SNX29: variants seen among roughly 807,000 people sequenced by gnomAD.
SNX29 encodes the protein sorting nexin 29, also known as sorting nexin-29.
Under a neutral mutation model 102.1 loss-of-function variants are expected in SNX29, and 78 were observed. The ratio of observed to expected loss-of-function variants is 0.76; its 90% CI spans 0.64 to 0.92. The LOEUF (loss-of-function observed/expected upper bound fraction) is 0.92, where lower values mean the gene tolerates loss of function less well. Ranked by LOEUF, SNX29 falls within the 40% of genes least tolerant of loss-of-function variation. The pLI is 0.00. For synonymous variants in SNX29, 580 were observed against 414.5 expected (o/e 1.40, Z -4.85); for missense variants, 1,280 against 1,061.7 (o/e 1.21, Z -2.86).
At chr16:12,060,498 A>AGGC (rs1567170263) in intron 8 of SNX29, among the ~76,000 whole-genome samples, 9 of 152,182 alleles carry the variant, frequency 5.9e-5, no homozygotes, top group Non-Finnish European at 1.2e-4. Context: ...ACTCCTCGGG[A>AGGC]TGCTGAGGCA....
chr16:12,468,884 C>T (rs1004155564), intron 18 of SNX29, among the ~76,000 whole-genome samples: 17 of 152,138 alleles, frequency 1.1e-4, no homozygotes, highest in Admixed American at 2.0e-4. Context: ...GCAGTGTCAG[C>T]GGGGTGGGAA....
At chr16:12,259,251 T>A (rs764904872) in intron 14 of SNX29, among the ~76,000 whole-genome samples, 13 of 152,248 alleles carry the variant, frequency 8.5e-5, no homozygotes, top group Non-Finnish European at 1.6e-4. Context: ...AAAAATGCAC[T>A]CCGCTTCCAG....
intron 14 of SNX29, among the ~76,000 whole-genome samples, chr16:12,200,170 A>AT (rs966549831): frequency 6.6e-6 from 1 of 152,158 alleles, no homozygotes; most frequent in African/African-American, 2.4e-5. Flanking sequence ...TCATGAGGCA[A>AT]TCCATGTAGA....
chr16:12,112,819 C>G (rs549599498), intron 11 of SNX29, among the ~76,000 whole-genome samples: 1 of 152,332 alleles, frequency 6.6e-6, no homozygotes, highest in East Asian at 1.9e-4. Flanking sequence ...GGTACCTGCA[C>G]TGGGTACAGC....
chr16:12,559,724 G>C (rs1432368950), intron 20 of SNX29, among the ~76,000 whole-genome samples: 2 of 152,068 alleles, frequency 1.3e-5, no homozygotes, highest in Admixed American at 1.3e-4. Flanking sequence ...AGAACACCAA[G>C]AAATAGATGA....
At chr16:12,191,925 A>C (rs1342472662) in intron 13 of SNX29, among the ~76,000 whole-genome samples, 1 of 152,198 alleles carries the variant, frequency 6.6e-6, no homozygotes, top group African/African-American at 2.4e-5. Context: ...ATGCCTACTC[A>C]GTACCTGCTG....
At chr16:12,261,333 G>T (rs1379196525) in intron 14 of SNX29, among the ~76,000 whole-genome samples, 2 of 138,026 alleles carry the variant, frequency 1.4e-5, no homozygotes, top group Non-Finnish European at 3.1e-5. Flanking sequence ...TCTGAGCTCC[G>T]GTCTGTGCGT....
At chr16:12,392,903 A>C (rs1006454333) in intron 16 of SNX29, among the ~76,000 whole-genome samples, 3 of 152,238 alleles carry the variant, frequency 2.0e-5, no homozygotes, top group African/African-American at 7.2e-5. Context: ...GGCTGACTTT[A>C]TGATCAGATC....
At chr16:12,383,499 C>T (rs1207470888) in intron 16 of SNX29, among the ~76,000 whole-genome samples, 13 of 151,884 alleles carry the variant, frequency 8.6e-5, no homozygotes, top group African/African-American at 3.1e-4. Context: ...TGCAGTGGTG[C>T]GATCTTGGCT....
At chr16:12,035,204 C>CTT (rs3971431) in intron 4 of SNX29, among the ~76,000 whole-genome samples, 39 of 135,288 alleles carry the variant, frequency 2.9e-4, no homozygotes, top group African/African-American at 8.5e-4. Flanking sequence ...AGAAATTTCC[C>CTT]TTTTTTTTTT....
At chr16:12,135,603 T>G in intron 13 of SNX29, 1 of 1,343,546 alleles carries the variant, frequency 7.4e-7, no homozygotes, top group East Asian at 3.8e-5. Context: ...AACCATGTGG[T>G]GGAGAAATGG....
At chr16:12,407,755 T>C (rs1042392999) in intron 18 of SNX29, among the ~76,000 whole-genome samples, 1 of 152,204 alleles carries the variant, frequency 6.6e-6, no homozygotes, top group African/African-American at 2.4e-5. Flanking sequence ...CAAAGCAGTC[T>C]CTGACAAGGT....
At chr16:12,330,274 C>G (rs1242665328) in intron 15 of SNX29, among the ~76,000 whole-genome samples, 2 of 152,098 alleles carry the variant, frequency 1.3e-5, no homozygotes, top group Non-Finnish European at 2.9e-5. Context: ...GGCGACCAGC[C>G]TGACCAACAT....
intron 4 of SNX29, among the ~76,000 whole-genome samples, chr16:12,041,516 A>G (rs942077045): frequency 6.6e-6 from 1 of 152,224 alleles, no homozygotes; most frequent in Admixed American, 6.5e-5. Flanking sequence ...AGAAGTCCCC[A>G]ATCAGTTTCA....
At chr16:12,364,547 C>G (rs1410026945) in intron 16 of SNX29, among the ~76,000 whole-genome samples, 1 of 151,772 alleles carries the variant, frequency 6.6e-6, no homozygotes, top group African/African-American at 2.4e-5. Context: ...GAGAAGAGCT[C>G]CCGGTTTGAG....
chr16:12,052,907 G>T (rs1017392396), intron 8 of SNX29: 3 of 153,856 alleles, frequency 1.9e-5, no homozygotes, highest in Non-Finnish European at 4.3e-5. Flanking sequence ...CAGGACGAAG[G>T]CAGCGTTAGG....
chr16:12,348,604 C>T (rs2081897516), intron 15 of SNX29, among the ~76,000 whole-genome samples: 1 of 152,140 alleles, frequency 6.6e-6, no homozygotes. Flanking sequence ...AGCCCTCCAT[C>T]CCTGGCTCAG....
intron 11 of SNX29, chr16:12,088,068 G>A (rs1487803059): frequency 2.0e-5 from 9 of 456,578 alleles, no homozygotes; most frequent in African/African-American, 1.6e-4. Context: ...TAGGCTGCAT[G>A]ACTGGGAAGG....
rs145124531 is a variant in SNX29, at chr16:12,343,670, C to T, written c.1783-12493C>T. 5.3e-4 allele frequency among the ~76,000 whole-genome samples: 79 copies of T among 147,886 alleles called. No homozygotes were observed. In the East Asian group the frequency reaches 0.016, roughly 29 times the overall value. ...TGCCACTGGCCACTTTGTCTGAGAA[C>T]CGTTGACCACCTAGATCCCCACGAG... On this transcript the variant is annotated intron_variant, in intron 15 of 20. Coordinates refer to ENST00000566228, the MANE Select transcript of SNX29 (RefSeq NM_032167.5).
Sources: gnomAD v4.1 joint callset for allele counts (sites outside exome capture counted in the v4.1 genomes callset) on GRCh38, gnomAD v4.1.1 for gene constraint, MANE v1.5 for transcripts, NCBI Gene and HGNC (gene_info 2026-07-23, HGNC 2026-07-21) for gene names.